PLEKHH2: variants seen among roughly 807,000 people sequenced by gnomAD.
PLEKHH2 encodes the protein pleckstrin homology, MyTH4 and FERM domain containing H2.
PLEKHH2 carries 129 observed loss-of-function variants against 187.9 expected under a neutral mutation model. That is an observed-to-expected ratio of 0.69 (90% CI 0.59 to 0.79). The LOEUF (loss-of-function observed/expected upper bound fraction) is 0.79, where lower values mean the gene tolerates loss of function less well. Among genes scored for constraint, PLEKHH2 ranks in the 30% least tolerant of loss-of-function variants. The pLI is 0.00. For missense variants in PLEKHH2, 2,076 were observed against 1,751.2 expected (o/e 1.19, Z -3.31); for synonymous variants, 686 against 605.6 (o/e 1.13, Z -1.95).
At chr2:43,657,986 G>T (rs2374570) in intron 2 of PLEKHH2, among the ~76,000 whole-genome samples, 1 of 151,986 alleles carries the variant, frequency 6.6e-6, no homozygotes, top group African/African-American at 2.4e-5. Context: ...CCTTGCAGAA[G>T]GTAAAGTTAA....
intron 27 of PLEKHH2, among the ~76,000 whole-genome samples, chr2:43,760,339 A>T (rs995035544): frequency 6.6e-6 from 1 of 150,522 alleles, no homozygotes; most frequent in Non-Finnish European, 1.5e-5. Flanking sequence ...AAATACACAT[A>T]ATGAAATTTA....
At chr2:43,656,955 G>A (rs1225608463) in intron 2 of PLEKHH2, among the ~76,000 whole-genome samples, 1 of 152,200 alleles carries the variant, frequency 6.6e-6, no homozygotes, top group Non-Finnish European at 1.5e-5. Flanking sequence ...AGAGGTGGAG[G>A]TTGCAGTGAG....
At chr2:43,708,124 TC>T (rs1669753237) in intron 11 of PLEKHH2, among the ~76,000 whole-genome samples, 2 of 152,152 alleles carry the variant, frequency 1.3e-5, no homozygotes, top group Non-Finnish European at 2.9e-5. Flanking sequence ...TCTGGATACT[TC>T]CAATCCCCTC....
At chr2:43,639,650 C>CTTTTT (rs869116400) in intron 1 of PLEKHH2, among the ~76,000 whole-genome samples, 8 of 99,250 alleles carry the variant, frequency 8.1e-5, no homozygotes, top group Admixed American at 1.2e-4. Flanking sequence ...GGATGTACCA[C>CTTTTT]TTTTTTTTTT....
At chr2:43,719,704 C>G (rs953686449) in intron 15 of PLEKHH2, among the ~76,000 whole-genome samples, 2 of 152,232 alleles carry the variant, frequency 1.3e-5, no homozygotes, top group Admixed American at 6.5e-5. Flanking sequence ...CTCCAAAGTC[C>G]TGGGATTACA....
Position 43,765,686 on chromosome 2 carries a change from G to A in PLEKHH2, c.*88G>A. ...AAGTTCGTTTACACCTGGCAGCACG[G>A]CAGCCACACACCGGTATTCCAAACC... On this transcript the variant is annotated 3_prime_UTR_variant, in exon 30 of 30. Coordinates refer to ENST00000282406, the MANE Select transcript of PLEKHH2 (RefSeq NM_172069.4). 1 of 1,278,960 alleles carries A rather than the reference G, an allele frequency of 7.8e-7. No individual in the cohort carries two copies. Among genetic ancestry groups the A allele is most frequent in the Non-Finnish European group, 1.1e-6 (1 of 935,746 alleles). The allele number at this position is 1,278,960 out of a possible 1,614,324, so 79.2% of individuals were successfully genotyped here. A position where few individuals can be genotyped will look rare whatever the true frequency, so the allele number is the denominator to read the frequency against.
intron 2 of PLEKHH2, among the ~76,000 whole-genome samples, chr2:43,645,353 T>C (rs1165563716): frequency 2.0e-5 from 3 of 152,296 alleles, no homozygotes; most frequent in African/African-American, 7.2e-5. Context: ...ATAGATTTGT[T>C]CATTTATTCA....
chr2:43,638,143 G>C (rs986517223), intron 1 of PLEKHH2, among the ~76,000 whole-genome samples: 5 of 152,080 alleles, frequency 3.3e-5, no homozygotes, highest in South Asian at 4.1e-4. Context: ...TTCTGGGCAG[G>C]GTCACCGAAG....
At chr2:43,646,916 G>A (rs1666210641) in intron 2 of PLEKHH2, among the ~76,000 whole-genome samples, 1 of 151,482 alleles carries the variant, frequency 6.6e-6, no homozygotes, top group African/African-American at 2.4e-5. Flanking sequence ...ACATTGGAAA[G>A]TAGATAAATG....
In PLEKHH2 at chr2:43,697,303, T is replaced by C. The variant is rs1669140426; in HGVS notation, c.635T>C (p.Met212Thr). The C allele has an allele frequency of 5.6e-6, 9 of 1,613,828 alleles. No individual in the cohort carries two copies. Among genetic ancestry groups the C allele is most frequent in the Non-Finnish European group, 7.6e-6 (9 of 1,179,858 alleles). Reference protein sequence around the residue: ...SPPQVVKSEEMSKISSKEPEF... With the variant: ...SPPQVVKSEETSKISSKEPEF... ...CCTCAAGTAGTAAAATCTGAGGAAATGAGCAAGATATCATCGAAAGAACCT... is the reference window on the plus strand; with the variant it reads ...CCTCAAGTAGTAAAATCTGAGGAAACGAGCAAGATATCATCGAAAGAACCT... The change falls in exon 7 of 30, where the codon ATG (methionine) becomes ACG (threonine). Residue 212 changes from methionine to threonine, a missense_variant. Coordinates refer to ENST00000282406, the MANE Select transcript of PLEKHH2 (RefSeq NM_172069.4).
chr2:43,751,190 C>T (rs1399942031), intron 24 of PLEKHH2, among the ~76,000 whole-genome samples: 3 of 152,206 alleles, frequency 2.0e-5, no homozygotes, highest in African/African-American at 7.2e-5. Context: ...AGATATTTGT[C>T]GTTACCATGA....
chr2:43,759,096 C>T (rs1209148118), intron 27 of PLEKHH2, 67 bp downstream of exon 27: 1 of 1,515,246 alleles, frequency 6.6e-7, no homozygotes, highest in East Asian at 2.4e-5. Context: ...AGATTTACCC[C>T]AGACTTAGTA....
At chr2:43,659,603 A>C (rs1366157815) in intron 2 of PLEKHH2, among the ~76,000 whole-genome samples, 2 of 145,994 alleles carry the variant, frequency 1.4e-5, no homozygotes, top group Admixed American at 1.4e-4. Context: ...GTCTCACTGC[A>C]CTGGAGTGCA....
intron 1 of PLEKHH2, among the ~76,000 whole-genome samples, chr2:43,643,077 C>T (rs1427008567): frequency 2.0e-5 from 3 of 152,122 alleles, no homozygotes. Context: ...GAAGCAGCCC[C>T]AGAACTGTGA....
At chr2:43,720,785 C>T in intron 16 of PLEKHH2, 36 bp downstream of exon 16, 2 of 1,581,876 alleles carry the variant, frequency 1.3e-6, no homozygotes, top group Non-Finnish European at 1.7e-6. Flanking sequence ...ATTGAAGTAA[C>T]TTTTTGTGTG....
chr2:43,677,739 C>T (rs1384062928), intron 2 of PLEKHH2, among the ~76,000 whole-genome samples: 3 of 151,564 alleles, frequency 2.0e-5, no homozygotes, highest in African/African-American at 7.3e-5. Flanking sequence ...GGGTGGTGGC[C>T]GGGCAGAGGG....
intron 28 of PLEKHH2, among the ~76,000 whole-genome samples, chr2:43,763,913 C>T (rs941616867): frequency 6.6e-6 from 1 of 151,872 alleles, no homozygotes; most frequent in Non-Finnish European, 1.5e-5. Flanking sequence ...TATGAAAGGG[C>T]ATATAAAAAA....
intron 14 of PLEKHH2, chr2:43,711,160 T>C (rs1669945719): frequency 3.0e-6 from 3 of 985,544 alleles, no homozygotes; most frequent in Non-Finnish European, 3.6e-6. Flanking sequence ...TTCTAGTATA[T>C]GTAATTTAAA....
Position 43,753,670 on chromosome 2 carries a change from G to A in PLEKHH2, c.3705G>A (p.Leu1235=), listed in dbSNP as rs775001290. 28 of 1,577,542 alleles carry A rather than the reference G, an allele frequency of 1.8e-5. No individual in the cohort carries two copies. Among genetic ancestry groups the A allele is most frequent in the Middle Eastern group, 1.7e-4 (1 of 6,000 alleles). ...GAGAGACTGATAGAGAAAAGTTGCT[G>A]TTAATGTATCAGACAAATGATCAAA... ...ARGETDREKL[L]LMYQTNDQII... Residue 1235 remains leucine (L), a synonymous_variant, in exon 25 of 30, where the codon CTG becomes CTA. Coordinates refer to ENST00000282406, the MANE Select transcript of PLEKHH2 (RefSeq NM_172069.4).
Sources: allele counts gnomAD v4.1 joint callset (sites outside exome capture counted in the v4.1 genomes callset), GRCh38; gene constraint gnomAD v4.1.1; transcripts MANE v1.5; gene names NCBI Gene and HGNC (gene_info 2026-07-23, HGNC 2026-07-21).